Variants in PLEKHA1 observed in about 807,000 individuals in gnomAD.
PLEKHA1 encodes the protein pleckstrin homology domain containing A1, also known as pleckstrin homology domain-containing family A member 1.
PLEKHA1 carries 34 observed loss-of-function variants against 52.0 expected under a neutral mutation model. The ratio of observed to expected loss-of-function variants is 0.65; its 90% confidence interval spans 0.50 to 0.87. PLEKHA1 has a LOEUF of 0.87. Among genes scored for constraint, PLEKHA1 ranks in the 40% least tolerant of loss-of-function variants. PLEKHA1 has a pLI of 0.00. For missense variants in PLEKHA1, 497 were observed against 504.2 expected (o/e 0.99, Z 0.14); for synonymous variants, 163 against 170.7 (o/e 0.95, Z 0.35).
intron 4 of PLEKHA1, 99 bp downstream of exon 4, chr10:122,400,487 A>C (rs567686084): frequency 2.7e-6 from 3 of 1,107,886 alleles, no homozygotes; most frequent in Non-Finnish European, 3.9e-6. Flanking sequence ...CCTAGGGCTT[A>C]ATGAATTATT....
At chr10:122,436,118 G>GA (rs1303607522), downstream of PLEKHA1, 1 of 152,140 alleles carries the variant, frequency 6.6e-6, no homozygotes, top group Non-Finnish European at 1.5e-5. Flanking sequence ...TCCAGAGTCA[G>GA]ATTAGGCTTG....
rs2096806225 is a variant in PLEKHA1 at position 122,393,679 on chromosome 10, T to TC, written c.141+338_141+339insC. 5.9e-5 allele frequency among the ~76,000 whole-genome samples: 9 copies of TC among 152,326 alleles called. No homozygotes were observed. Among genetic ancestry groups the TC allele is most frequent in the African/African-American group, 1.9e-4 (8 of 41,576 alleles). On this transcript the variant is annotated intron_variant, in intron 2 of 11. Coordinates refer to ENST00000368990, the MANE Select transcript of PLEKHA1 (RefSeq NM_001001974.4). The surrounding 1 kb of genome is among the most constrained non-coding windows in gnomAD (Gnocchi z 4.5). ...GCTGTCCCAAAAATAAGAAATACTTTTTTTGTAACATGTATTTCAAACAAC... is the reference window on the plus strand; with the variant it reads ...GCTGTCCCAAAAATAAGAAATACTTTCTTTTGTAACATGTATTTCAAACAAC...
intron 1 of PLEKHA1, among the ~76,000 whole-genome samples, chr10:122,376,528 ATATAT>A (rs1565091527): frequency 7.1e-4 from 87 of 122,688 alleles, no homozygotes; most frequent in African/African-American, 2.7e-3. Flanking sequence ...ATATATATAT[ATATAT>A]AATATAAATA....
chr10:122,406,986 T>A (rs994920518), intron 5 of PLEKHA1, among the ~76,000 whole-genome samples: 2 of 152,164 alleles, frequency 1.3e-5, no homozygotes, highest in African/African-American at 4.8e-5. Context: ...GGATATATAT[T>A]TTTCTTCCAA....
chr10:122,430,196 G>A lies in PLEKHA1; in HGVS notation c.*258G>A. ...CTGAAGCATTGTGTGTTCTCATTCGGGTGGTAACAATGTATGTGTAATATT... is the reference window on the plus strand; with the variant it reads ...CTGAAGCATTGTGTGTTCTCATTCGAGTGGTAACAATGTATGTGTAATATT... On this transcript the variant is annotated 3_prime_UTR_variant, in exon 12 of 12. Coordinates refer to ENST00000368990, the MANE Select transcript of PLEKHA1 (RefSeq NM_001001974.4). 1 of 351,594 alleles carries A rather than the reference G, an allele frequency of 2.8e-6. No homozygotes were observed. The highest frequency in any genetic ancestry group is 4.7e-5 in the East Asian group (1 of 21,228). 21.8% of individuals were successfully genotyped at this position (351,594 alleles called of 1,614,324 possible). A position where few individuals can be genotyped will look rare whatever the true frequency, so the allele number is the denominator to read the frequency against.
chr10:122,387,734 C>T (rs1040361602), intron 1 of PLEKHA1: 1 of 152,220 alleles, frequency 6.6e-6, no homozygotes, highest in African/African-American at 2.4e-5. Flanking sequence ...TCTTCACTCA[C>T]TCTGCTAGAA....
intron 11 of PLEKHA1, chr10:122,428,292 G>A (rs1363821641): frequency 2.6e-6 from 4 of 1,543,736 alleles, no homozygotes; most frequent in Non-Finnish European, 3.5e-6. Context: ...CAGGCCAGAA[G>A]GCTGTCGAAC....
At chr10:122,412,699 A>G (rs867632802) in intron 5 of PLEKHA1, 5 of 513,352 alleles carry the variant, frequency 9.7e-6, no homozygotes, top group African/African-American at 9.5e-5. Flanking sequence ...GTGAACTAGT[A>G]CCTGCCCGAG....
At chr10:122,378,445 A>C (rs2133533395) in intron 1 of PLEKHA1, among the ~76,000 whole-genome samples, 1 of 150,410 alleles carries the variant, frequency 6.6e-6, no homozygotes, top group South Asian at 2.2e-4. Context: ...CAGTTATCAA[A>C]AAGCTCTAGG....
At chr10:122,377,052 AGTTATTTTAAT>A (rs2096548473) in intron 1 of PLEKHA1, among the ~76,000 whole-genome samples, 1 of 152,184 alleles carries the variant, frequency 6.6e-6, no homozygotes, top group Non-Finnish European at 1.5e-5. Context: ...CAAATCCCGA[AGTTATTTTAAT>A]TGTGTGATAA....
At position 122,393,179 on chromosome 10, in the gene PLEKHA1, AGTGTAAT is replaced by A; in HGVS notation, c.-19_-13del. 3 of 1,581,980 alleles carry A rather than the reference AGTGTAAT, an allele frequency of 1.9e-6. No individual in the cohort carries two copies. The highest frequency in any genetic ancestry group is 1.7e-6 in the Non-Finnish European group (2 of 1,165,862). Reference sequence around the variant, plus strand: ...CTTACTGTTAATATTTTTATTTTACAGTGTAATGTTCAAGCTCAGAAATGCCTTATGT... The same window carrying A: ...CTTACTGTTAATATTTTTATTTTACAGTTCAAGCTCAGAAATGCCTTATGT... On this transcript the variant is annotated splice_acceptor_variant and 5_prime_UTR_variant, in exon 2 of 12. Coordinates refer to ENST00000368990, the MANE Select transcript of PLEKHA1 (RefSeq NM_001001974.4). LOFTEE classifies it low-confidence loss of function (5UTR_SPLICE). The surrounding 1 kb of genome is among the most constrained non-coding windows in gnomAD (Gnocchi z 4.5).
At chr10:122,378,981 A>G (rs2096577291) in intron 1 of PLEKHA1, among the ~76,000 whole-genome samples, 1 of 152,174 alleles carries the variant, frequency 6.6e-6, no homozygotes, top group African/African-American at 2.4e-5. Flanking sequence ...AGAAGTAGAA[A>G]AAGACAAGTG....
chr10:122,432,688 C>T (rs536586270), downstream of PLEKHA1: 9 of 152,268 alleles, frequency 5.9e-5, no homozygotes, highest in East Asian at 1.9e-4. Context: ...ATTATTTAGA[C>T]GGCATGATGT....
Position 122,400,349 on chromosome 10 carries a change from G to A in PLEKHA1, c.205G>A (p.Asp69Asn), listed in dbSNP as rs772065354. Residue 69 changes from aspartate (D) to asparagine (N), a missense_variant, in exon 4 of 12, where the codon GAT (aspartate) becomes AAT (asparagine). Asp to Asn is a conservative substitution (Grantham distance 23). Transcript: ENST00000368990. ...TCTCTATTTTTCTTTTTAGGTTAGC[G>A]ATGCTACTAAGCTAAGGCCAAAGGC... ...IKLTYISKVS[D>N]ATKLRPKAEF... 3.1e-6 allele frequency: 5 copies of A among 1,603,972 alleles called. No homozygotes were observed. The South Asian group carries it at 3.4e-5, about 11-fold the overall frequency.
chr10:122,377,591 A>G (rs1032707251), intron 1 of PLEKHA1, among the ~76,000 whole-genome samples: 4 of 152,196 alleles, frequency 2.6e-5, no homozygotes, highest in Non-Finnish European at 5.9e-5. Context: ...ATGATTGTTT[A>G]TAATGCTTAA....
intron 1 of PLEKHA1, among the ~76,000 whole-genome samples, chr10:122,375,375 C>T (rs1418296027): frequency 6.6e-6 from 1 of 152,244 alleles, no homozygotes. Context: ...CCGCCCTGGG[C>T]CCTGAAGTCG....
chr10:122,435,666 T>A (rs1332373589), downstream of PLEKHA1: 1 of 152,160 alleles, frequency 6.6e-6, no homozygotes, highest in Non-Finnish European at 1.5e-5. Flanking sequence ...TAGTATTTGG[T>A]CCTATTTGGA....
downstream of PLEKHA1, chr10:122,435,934 GT>G (rs2097436025): frequency 6.6e-6 from 1 of 151,368 alleles, no homozygotes; most frequent in African/African-American, 2.4e-5. Flanking sequence ...CCTTTACTCA[GT>G]TTCCCCCCAA....
intron 6 of PLEKHA1, among the ~76,000 whole-genome samples, chr10:122,413,865 C>G (rs890717914): frequency 6.6e-6 from 1 of 152,082 alleles, no homozygotes; most frequent in Non-Finnish European, 1.5e-5. Flanking sequence ...GCCTTTTGAA[C>G]TCAAAAGACT....
Sources: allele counts gnomAD v4.1 joint callset (sites outside exome capture counted in the v4.1 genomes callset), GRCh38; gene constraint gnomAD v4.1.1; non-coding constraint Gnocchi (gnomAD v3.1); transcripts MANE v1.5; gene names NCBI Gene and HGNC (gene_info 2026-07-23, HGNC 2026-07-21).